The following UVSSA variants were observed in gnomAD, a reference collection of about 807,000 sequenced individuals.
UVSSA encodes UV-stimulated scaffold protein A.
UVSSA carries 72 observed loss-of-function variants against 73.9 expected under a neutral mutation model. The ratio of observed to expected loss-of-function variants is 0.97; its 90% CI spans 0.81 to 1.19. The LOEUF (loss-of-function observed/expected upper bound fraction) is 1.19, where lower values mean the gene tolerates loss of function less well. Among genes scored for constraint, UVSSA ranks in the 50% most tolerant of loss-of-function variants. The pLI is 0.00. For missense variants in UVSSA, 1,150 were observed against 965.0 expected (o/e 1.19, Z -2.54); for synonymous variants, 454 against 391.3 (o/e 1.16, Z -1.89).
Position 1,395,663 on chromosome 4 carries a change from C to T in UVSSA, c.*9702C>T, listed in dbSNP as rs758194114. The T allele has an allele frequency of 3.1e-6, 5 of 1,601,346 alleles. 1 individual carries two copies. The South Asian group carries it at 5.5e-5, about 18-fold the overall frequency. The stretch of plus-strand genomic sequence containing the variant: ...ACACGTGCCCATGTGGAGTGCCTGC[C>T]TGCTCACACACGTGCCCATGTGGAG... On this transcript the variant is annotated 3_prime_UTR_variant, in exon 14 of 14. Coordinates refer to the UVSSA transcript ENST00000511216.
At chr4:1,366,629 G>A (rs1038727772) in intron 8 of UVSSA, among the ~76,000 whole-genome samples, 198 bp downstream of exon 8, 1 of 152,184 alleles carries the variant, frequency 6.6e-6, no homozygotes, top group African/African-American at 2.4e-5. Flanking sequence ...TTTCCTCTAC[G>A]TTCTGGCTCC....
At chr4:1,351,988 C>G (rs986184633) in intron 4 of UVSSA, among the ~76,000 whole-genome samples, 153 bp downstream of exon 4, 1 of 152,244 alleles carries the variant, frequency 6.6e-6, no homozygotes, top group African/African-American at 2.4e-5. Context: ...GGAAGGCGTT[C>G]TTAGCCGTAG....
intron 13 of UVSSA, 61 bp downstream of exon 13, chr4:1,384,001 G>T (rs1316462851): frequency 4.6e-6 from 7 of 1,519,930 alleles, no homozygotes; most frequent in Admixed American, 2.2e-5. Context: ...GGTGTTCGAG[G>T]GGGGCCATCT....
At position 1,372,857 on chromosome 4, in the gene UVSSA, TCC is replaced by T. The variant is rs1560469382; in HGVS notation, c.1289-2505_1289-2504del. ...CGTCTCAGGGCACTCACCTCCCGCG[TCC>T]CTGCACTCACCTCCCGCGTCTCAGG... is the stretch of plus-strand genomic sequence containing the variant. On this transcript the variant is annotated intron_variant, in intron 8 of 13. Coordinates refer to ENST00000389851, the MANE Select transcript of UVSSA (RefSeq NM_020894.4). Among the ~76,000 whole-genome samples the T allele has an allele frequency of 6.3e-3, 411 of 65,480 alleles. 32 individuals are homozygous for T. Among genetic ancestry groups the T allele is most frequent in the Non-Finnish European group, 0.01 (211 of 20,390 alleles). The allele number at this position is 65,480 out of a possible 152,430, so 43.0% of individuals were successfully genotyped here.
chr4:1,380,395 T>C (rs1560483255), intron 11 of UVSSA, among the ~76,000 whole-genome samples, 165 bp downstream of exon 11: 1 of 152,208 alleles, frequency 6.6e-6, no homozygotes, highest in Non-Finnish European at 1.5e-5. Context: ...GCTTAGCCGT[T>C]GGCCATCAGA....
intron 8 of UVSSA, among the ~76,000 whole-genome samples, chr4:1,369,116 C>CGTTCT (rs1717702556): frequency 7.6e-6 from 1 of 130,960 alleles, no homozygotes; most frequent in African/African-American, 3.6e-5. Context: ...GGGCTAACCA[C>CGTTCT]GTTCTGCCGT....
chr4:1,353,930 A>T (rs1435756933), intron 5 of UVSSA, among the ~76,000 whole-genome samples: 1 of 152,154 alleles, frequency 6.6e-6, no homozygotes, highest in Non-Finnish European at 1.5e-5. Context: ...AGGATTGCAG[A>T]GACATAGCCG....
chr4:1,352,325 C>T (rs938429854), intron 4 of UVSSA, among the ~76,000 whole-genome samples: 3 of 152,238 alleles, frequency 2.0e-5, no homozygotes, highest in Non-Finnish European at 4.4e-5. Context: ...TGTCTTCAGA[C>T]TACATGTACC....
chr4:1,350,655 T>A (rs1282383260), intron 3 of UVSSA, among the ~76,000 whole-genome samples: 2 of 151,844 alleles, frequency 1.3e-5, no homozygotes, highest in Admixed American at 6.6e-5. Context: ...AACACCTGGG[T>A]GTGAGGGTGC....
At chr4:1,394,823 T>G in exon 14 of UVSSA, 1 of 1,398,018 alleles carries the variant, frequency 7.2e-7, no homozygotes. Context: ...CCATGTGGAG[T>G]GCCCGCCTGC....
At chr4:1,372,679 T>TCC (rs1156860823) in intron 8 of UVSSA, among the ~76,000 whole-genome samples, 78 of 131,138 alleles carry the variant, frequency 5.9e-4, no homozygotes, top group African/African-American at 2.3e-3. Flanking sequence ...TCCTCCCGCG[T>TCC]CTCAGGGCAC....
downstream of UVSSA, chr4:1,390,664 G>A (rs1006146497): frequency 6.6e-6 from 1 of 152,278 alleles, no homozygotes; most frequent in African/African-American, 2.4e-5. Context: ...TGTATTGAGA[G>A]TTATTTTATT....
At position 1,353,294 on chromosome 4, in the gene UVSSA, C is replaced by T. The variant is rs1404251409; in HGVS notation, c.815C>T (p.Pro272Leu). Residue 272 changes from proline (P) to leucine (L), a missense_variant, in exon 5 of 14, where the codon CCA becomes CTA. Physicochemically the swap from Pro to Leu is moderately conservative, Grantham distance 98. Transcript: ENST00000389851. ...GHPRAGGGAQ[P>L]SQTATGDPSD... is the part of the protein sequence containing the mutation. ...CCCAGAGCGGGCGGCGGGGCACAGC[C>T]ATCCCAGACAGCCACAGGTGACCCC... 6.2e-7 allele frequency: 1 copy of T among 1,611,304 alleles called. No individual in the cohort carries two copies. The highest frequency in any genetic ancestry group is 1.1e-5 in the South Asian group (1 of 91,072).
exon 14 of UVSSA, chr4:1,395,849 G>C: frequency 6.2e-7 from 1 of 1,612,828 alleles, no homozygotes. Context: ...TCGAGATAAC[G>C]TAGGAATATT....
intron 8 of UVSSA, among the ~76,000 whole-genome samples, chr4:1,371,895 G>A (rs931812578): frequency 6.6e-5 from 10 of 152,176 alleles, no homozygotes; most frequent in African/African-American, 2.2e-4. Flanking sequence ...CAAACCACCC[G>A]TGATACGGCT....
In UVSSA at chr4:1,380,609, C is replaced by T. The variant is rs759900753; in HGVS notation, c.1753-271C>T. ...GCAGCTGGGCATGGTGCAGGGGGGT[C>T]GCTATGGCCATGCTGGATGAGGGAG... is the stretch of plus-strand genomic sequence containing the variant. On this transcript the variant is annotated intron_variant, in intron 11 of 13. Transcript: ENST00000389851. The T allele has an allele frequency of 8.0e-6, 12 of 1,492,552 alleles. No individual in the cohort carries two copies. In the Admixed American group the frequency reaches 8.1e-5, roughly 10 times the overall value. The allele number at this position is 1,492,552 out of a possible 1,614,324, so 92.5% of individuals were successfully genotyped here. A position where few individuals can be genotyped will look rare whatever the true frequency, so the allele number is the denominator to read the frequency against.
chr4:1,388,415 C>G (rs1219224965), downstream of UVSSA: 1 of 152,202 alleles, frequency 6.6e-6, no homozygotes, highest in Non-Finnish European at 1.5e-5. Context: ...AAAATCATGT[C>G]ATCTGCAAAC....
chr4:1,345,899 C>T (rs1204984094), upstream of UVSSA, among the ~76,000 whole-genome samples: 1 of 152,094 alleles, frequency 6.6e-6, no homozygotes, highest in Admixed American at 6.5e-5. Context: ...CTGTAGAAGA[C>T]AGAGGGAAAC....
In UVSSA at chr4:1,375,555, A is replaced by G. The variant is rs1577360566; in HGVS notation, c.1433+47A>G. The G allele has an allele frequency of 2.5e-6, 4 of 1,586,746 alleles. No homozygotes were observed. In the East Asian group the frequency reaches 9.0e-5, roughly 36 times the overall value. On this transcript the variant is annotated intron_variant, in intron 9 of 13. Coordinates refer to ENST00000389851, the MANE Select transcript of UVSSA (RefSeq NM_020894.4). ...GCTGAGCCCCCTGCCCGGCGCTGCC[A>G]CAGCCTCTGCCCAGAGCACTGGCCG...
Sources: allele counts gnomAD v4.1 joint callset (sites outside exome capture counted in the v4.1 genomes callset), GRCh38; gene constraint gnomAD v4.1.1; transcripts MANE v1.5; gene names NCBI Gene and HGNC (gene_info 2026-07-23, HGNC 2026-07-21).